Variants in PIBF1 observed in about 807,000 individuals in gnomAD.
PIBF1 encodes progesterone immunomodulatory binding factor 1.
Under a neutral mutation model 112.5 loss-of-function variants are expected in PIBF1, and 90 were observed. The observed-to-expected ratio is 0.80, with a 90% CI of 0.67 to 0.95. The LOEUF (loss-of-function observed/expected upper bound fraction) is 0.95, where lower values mean the gene tolerates loss of function less well. PIBF1 is among the 40% of genes least tolerant of loss of function. The probability of loss-of-function intolerance (pLI) is 0.00; values close to 1 mark genes in which losing one functional copy is unlikely to be tolerated. For missense variants in PIBF1, 915 were observed against 852.3 expected (o/e 1.07, Z -0.92); for synonymous variants, 301 against 288.6 (o/e 1.04, Z -0.44).
intron 1 of PIBF1, among the ~76,000 whole-genome samples, chr13:72,782,954 C>G (rs2034371998): frequency 6.6e-6 from 1 of 151,316 alleles, no homozygotes; most frequent in Non-Finnish European, 1.5e-5. Context: ...TATTCCAAGA[C>G]TTGGCTTTGT....
At chr13:72,954,788 C>G (rs1179695527) in intron 14 of PIBF1, among the ~76,000 whole-genome samples, 1 of 152,126 alleles carries the variant, frequency 6.6e-6, no homozygotes, top group Non-Finnish European at 1.5e-5. Context: ...TTCAGTTCTT[C>G]TGTTAAATTC....
intron 10 of PIBF1, among the ~76,000 whole-genome samples, chr13:72,883,908 CG>C (rs1182160082): frequency 6.6e-6 from 1 of 152,076 alleles, no homozygotes; most frequent in Non-Finnish European, 1.5e-5. Flanking sequence ...TGCAAAACCC[CG>C]TCTCTATTAA....
chr13:72,945,494 C>A (rs576462895), intron 14 of PIBF1, among the ~76,000 whole-genome samples: 2 of 152,338 alleles, frequency 1.3e-5, no homozygotes, highest in African/African-American at 4.8e-5. Context: ...AACTGACTTA[C>A]ATTCCTACCA....
chr13:72,909,626 T>G (rs2040828821), intron 12 of PIBF1, among the ~76,000 whole-genome samples: 1 of 152,026 alleles, frequency 6.6e-6, no homozygotes, highest in African/African-American at 2.4e-5. Context: ...TCCGGGTAGC[T>G]GGGATTACAG....
At chr13:72,998,688 T>C in intron 16 of PIBF1, 134 bp from the exon 17 acceptor site, 1 of 603,736 alleles carries the variant, frequency 1.7e-6, no homozygotes, top group Admixed American at 3.3e-5. Flanking sequence ...TGATTCTAAT[T>C]ACTATTTTAT....
intron 15 of PIBF1, among the ~76,000 whole-genome samples, chr13:72,968,133 G>A (rs1369834900): frequency 2.6e-5 from 4 of 151,624 alleles, no homozygotes; most frequent in East Asian, 4.0e-4. Flanking sequence ...GCAGTGAGCC[G>A]AGATTGCGCC....
chr13:72,836,868 T>G (rs2138214658), intron 9 of PIBF1, among the ~76,000 whole-genome samples: 1 of 152,282 alleles, frequency 6.6e-6, no homozygotes, highest in South Asian at 2.1e-4. Context: ...TGATCTTTTT[T>G]GAAAGTCTGC....
intron 9 of PIBF1, among the ~76,000 whole-genome samples, chr13:72,842,838 A>G (rs983272299): frequency 5.9e-5 from 9 of 152,194 alleles, no homozygotes; most frequent in African/African-American, 1.7e-4. Flanking sequence ...CTCTCTCAGC[A>G]TCTTCTCAAA....
At chr13:72,806,438 G>A (rs529161667) in intron 5 of PIBF1, among the ~76,000 whole-genome samples, 5 of 151,466 alleles carry the variant, frequency 3.3e-5, no homozygotes, top group South Asian at 2.1e-4. Context: ...GTAGTGTTAC[G>A]TAGGTATACT....
chr13:72,920,114 G>T (rs566032888), intron 13 of PIBF1, among the ~76,000 whole-genome samples: 5 of 152,300 alleles, frequency 3.3e-5, no homozygotes, highest in African/African-American at 9.6e-5. Context: ...AAAAATAGAG[G>T]TTGGTTTTTA....
At position 72,783,443 on chromosome 13, in the gene PIBF1, G is replaced by T; in HGVS notation, c.-27G>T. 1 of 1,465,830 alleles carries T rather than the reference G, an allele frequency of 6.8e-7. No homozygotes were observed. Among genetic ancestry groups the T allele is most frequent in the South Asian group, 1.2e-5 (1 of 82,894 alleles). The allele number at this position is 1,465,830 out of a possible 1,614,324, so 90.8% of individuals were successfully genotyped here. A position where few individuals can be genotyped will look rare whatever the true frequency, so the allele number is the denominator to read the frequency against. ...TACAGAATATTAAAATCAAATTAGA[G>T]AAGAAAACTGATCCATAATAATAAA... On this transcript the variant is annotated 5_prime_UTR_variant, in exon 2 of 18. Transcript: ENST00000326291.
At chr13:72,795,272 C>T (rs2035133279) in intron 3 of PIBF1, 87 bp from the exon 4 acceptor site, 1 of 810,192 alleles carries the variant, frequency 1.2e-6, no homozygotes, top group South Asian at 1.6e-5. Flanking sequence ...GATTTCCTAA[C>T]TTTATGTTGA....
intron 14 of PIBF1, 98 bp from the exon 15 acceptor site, chr13:72,965,170 TCATGTC>T: frequency 9.8e-7 from 1 of 1,016,082 alleles, no homozygotes; most frequent in Non-Finnish European, 1.5e-6. Flanking sequence ...TCAGAATAAT[TCATGTC>T]AAAGGAATTT....
Position 72,783,521 on chromosome 13 carries a change from C to G in PIBF1, c.52C>G (p.Leu18Val). ...AAAAAAAGTGAACATCTCTAGTTCTCTGGAATCTGAAGATATTAGTTTAGA... is the reference window on the plus strand; with the variant it reads ...AAAAAAAGTGAACATCTCTAGTTCTGTGGAATCTGAAGATATTAGTTTAGA... Reference protein sequence around the residue: ...ESKKVNISSSLESEDISLETT... With the variant: ...ESKKVNISSSVESEDISLETT... Residue 18 changes from leucine to valine, a missense_variant, in exon 2 of 18, where the codon CTG (leucine) becomes GTG (valine). By Grantham distance (32) the Leu-to-Val change is conservative (BLOSUM62 1). Transcript: ENST00000326291. 2 of 1,613,064 alleles carry G rather than the reference C, an allele frequency of 1.2e-6. No individual in the cohort carries two copies. The highest frequency in any genetic ancestry group is 1.7e-6 in the Non-Finnish European group (2 of 1,179,100).
At chr13:72,975,202 C>T (rs1042975505) in intron 16 of PIBF1, among the ~76,000 whole-genome samples, 1 of 151,860 alleles carries the variant, frequency 6.6e-6, no homozygotes, top group Non-Finnish European at 1.5e-5. Flanking sequence ...ATTACAGGTG[C>T]ATGCCACCAT....
At chr13:72,896,634 T>C (rs947083569) in intron 11 of PIBF1, among the ~76,000 whole-genome samples, 1 of 152,152 alleles carries the variant, frequency 6.6e-6, no homozygotes, top group African/African-American at 2.4e-5. Context: ...TTGGACATGC[T>C]TTTAAAAATG....
intron 11 of PIBF1, among the ~76,000 whole-genome samples, chr13:72,896,662 T>C (rs2040292372): frequency 6.6e-6 from 1 of 152,066 alleles, no homozygotes; most frequent in Admixed American, 6.5e-5. Flanking sequence ...TTCTGGAAAG[T>C]CTCAGCAATA....
intron 10 of PIBF1, among the ~76,000 whole-genome samples, chr13:72,876,236 C>T (rs983539576): frequency 4.4e-5 from 6 of 137,660 alleles, no homozygotes; most frequent in Non-Finnish European, 9.1e-5. Flanking sequence ...TTTTGTCAAA[C>T]ATCAGTTGAC....
intron 14 of PIBF1, among the ~76,000 whole-genome samples, chr13:72,953,192 G>A (rs1425409427): frequency 6.6e-6 from 1 of 152,166 alleles, no homozygotes; most frequent in Admixed American, 6.5e-5. Flanking sequence ...AATCAGAAAG[G>A]CATCTCTTTT....
Sources: allele counts gnomAD v4.1 joint callset (sites outside exome capture counted in the v4.1 genomes callset), GRCh38; gene constraint gnomAD v4.1.1; transcripts MANE v1.5; gene names NCBI Gene and HGNC (gene_info 2026-07-23, HGNC 2026-07-21).